CATSPERB: variants seen among roughly 807,000 people sequenced by gnomAD.
CATSPERB encodes the protein catsper channel auxiliary subunit beta.
CATSPERB carries 93 observed loss-of-function variants against 128.3 expected under a neutral mutation model. That is an observed-to-expected ratio of 0.72 (90% CI 0.61 to 0.86). CATSPERB has a LOEUF of 0.86. CATSPERB is among the 40% of genes least tolerant of loss of function. The probability of loss-of-function intolerance (pLI) is 0.00; values close to 1 mark genes in which losing one functional copy is unlikely to be tolerated. For synonymous variants in CATSPERB, 381 were observed against 448.8 expected, an observed-to-expected ratio of 0.85 and a Z score of 1.91; for missense variants, 1,153 against 1,329.5, an observed-to-expected ratio of 0.87 and a Z score of 2.06.
intron 15 of CATSPERB, chr14:91,646,143 T>G (rs1054971726): frequency 1.3e-5 from 2 of 155,116 alleles, no homozygotes; most frequent in East Asian, 3.8e-4. Context: ...GTACCTCAGA[T>G]GGAAATGCAG....
chr14:91,721,291 G>A (rs554910753), intron 4 of CATSPERB, among the ~76,000 whole-genome samples: 3 of 152,204 alleles, frequency 2.0e-5, no homozygotes, highest in African/African-American at 4.8e-5. Context: ...AAAAGACAAC[G>A]CATAGAATGA....
chr14:91,655,598 A>C (rs1894773153), intron 15 of CATSPERB, among the ~76,000 whole-genome samples: 1 of 152,228 alleles, frequency 6.6e-6, no homozygotes, highest in Non-Finnish European at 1.5e-5. Flanking sequence ...CAGAATAAAG[A>C]ATTAGTGAGC....
intron 17 of CATSPERB, among the ~76,000 whole-genome samples, chr14:91,627,553 A>G (rs2139793751): frequency 6.6e-6 from 1 of 152,360 alleles, no homozygotes; most frequent in South Asian, 2.1e-4. Context: ...GACAAGACAA[A>G]GAAAAATGGG....
intron 23 of CATSPERB, among the ~76,000 whole-genome samples, chr14:91,591,544 T>C (rs1893402152): frequency 6.6e-6 from 1 of 151,754 alleles, no homozygotes; most frequent in Admixed American, 6.6e-5. Context: ...CTCAAAGTTA[T>C]TTTAAATGAA....
In CATSPERB at chr14:91,700,681, T is replaced by C. The variant is rs555653831; in HGVS notation, c.616+3871A>G. 4.6e-5 allele frequency among the ~76,000 whole-genome samples: 7 copies of C among 152,250 alleles called. No individual in the cohort carries two copies. The South Asian group carries it at 1.5e-3, about 32-fold the overall frequency. On this transcript the variant is annotated intron_variant, in intron 7 of 26. Transcript: ENST00000256343. ...TGAAATCATGTCCTTTCCAGCAACATAGATGCAGCTGGAGGCCATTATCCT... is the reference window on the plus strand; with the variant it reads ...TGAAATCATGTCCTTTCCAGCAACACAGATGCAGCTGGAGGCCATTATCCT...
rs117569206 is a variant in CATSPERB at position 91,597,666 on chromosome 14, C to T, written c.2710-5664G>A. Among the ~76,000 whole-genome samples, 102 of 152,192 alleles carry T rather than the reference C, an allele frequency of 6.7e-4. 2 individuals carry two copies. In the East Asian group the frequency reaches 0.014, roughly 20 times the overall value. On this transcript the variant is annotated intron_variant, in intron 22 of 26. Transcript: ENST00000256343. ...CAATCTCATGTGCCCACCTCTTCTG[C>T]GATAGTCCCCGGGCCTTGAGGAGTT...
intron 17 of CATSPERB, among the ~76,000 whole-genome samples, chr14:91,630,915 G>A (rs1212760667): frequency 6.6e-6 from 1 of 151,860 alleles, no homozygotes; most frequent in South Asian, 2.1e-4. Context: ...GCCTTTCCAC[G>A]ACACCATCAC....
chr14:91,616,409 G>T (rs1405613098), intron 20 of CATSPERB, among the ~76,000 whole-genome samples: 1 of 151,818 alleles, frequency 6.6e-6, no homozygotes, highest in Non-Finnish European at 1.5e-5. Context: ...ATTTTTTGTG[G>T]TTCTCATTTA....
chr14:91,702,592 T>C (rs947560126), intron 7 of CATSPERB, among the ~76,000 whole-genome samples: 1 of 151,618 alleles, frequency 6.6e-6, no homozygotes, highest in Non-Finnish European at 1.5e-5. Context: ...AAATTATGTT[T>C]GTTATTCATG....
rs775610761 is a variant in CATSPERB, at chr14:91,708,244, A to G, written c.371-8T>C. The stretch of plus-strand genomic sequence containing the variant: ...CTTCTACAGCTGCAATATCTGTTTG[A>G]AAACAAAAGGCAAATAATCAACTAT... On this transcript the variant is annotated splice_region_variant and splice_polypyrimidine_tract_variant and intron_variant, in intron 5 of 26. Coordinates refer to ENST00000256343, the MANE Select transcript of CATSPERB (RefSeq NM_024764.4). The G allele has an allele frequency of 1.9e-6, 3 of 1,547,374 alleles. No homozygotes were observed. The African/African-American group carries it at 4.1e-5, about 21-fold the overall frequency.
chr14:91,691,863 G>A (rs980011923), intron 9 of CATSPERB, among the ~76,000 whole-genome samples: 7 of 152,054 alleles, frequency 4.6e-5, no homozygotes, highest in Admixed American at 3.3e-4. Flanking sequence ...GCCTTTTAAT[G>A]ATTTAAATGG....
intron 15 of CATSPERB, among the ~76,000 whole-genome samples, chr14:91,641,092 T>C (rs1389236192): frequency 7.4e-6 from 1 of 134,256 alleles, no homozygotes; most frequent in Non-Finnish European, 1.6e-5. Context: ...TGTTTGTTTT[T>C]TTCTTGTAAA....
chr14:91,713,733 C>A (rs1425950476), intron 5 of CATSPERB, among the ~76,000 whole-genome samples: 1 of 152,120 alleles, frequency 6.6e-6, no homozygotes, highest in Non-Finnish European at 1.5e-5. Flanking sequence ...TGGTTAATCT[C>A]ACCAAACATT....
chr14:91,693,000 G>A, intron 9 of CATSPERB, 126 bp downstream of exon 9: 2 of 705,722 alleles, frequency 2.8e-6, no homozygotes, highest in Non-Finnish European at 4.8e-6. Flanking sequence ...ATGCCTTTAT[G>A]TTTTTCGAAA....
chr14:91,595,369 G>A (rs572170516), intron 22 of CATSPERB, among the ~76,000 whole-genome samples: 178 of 151,440 alleles, frequency 1.2e-3, no homozygotes, highest in Non-Finnish European at 2.1e-3. Flanking sequence ...GGGTTTTACC[G>A]TGTTAGCCAG....
At chr14:91,717,370 T>C (rs1053849369) in intron 5 of CATSPERB, among the ~76,000 whole-genome samples, 3 of 152,122 alleles carry the variant, frequency 2.0e-5, no homozygotes, top group Non-Finnish European at 4.4e-5. Flanking sequence ...TACCTTATTT[T>C]AAAATGAAAA....
At position 91,693,403 on chromosome 14, in the gene CATSPERB, GATAGTCTGTGTCATGTT is replaced by G; in HGVS notation, c.676_692del (p.Asn226LeufsTer9). 1 of 1,613,854 alleles carries G rather than the reference GATAGTCTGTGTCATGTT, an allele frequency of 6.2e-7. No individual in the cohort carries two copies. Among genetic ancestry groups the G allele is most frequent in the Non-Finnish European group, 8.5e-7 (1 of 1,179,800 alleles). ...AGTTACCTTCTTGAAGTTGGGAATA[GATAGTCTGTGTCATGTT>G]AAACCATGTGGTATCATAATCATGC... On this transcript the variant is annotated frameshift_variant, in exon 8 of 27. Transcript: ENST00000256343. LOFTEE classifies it high-confidence loss of function.
At chr14:91,589,138 C>T (rs1041084627) in intron 24 of CATSPERB, among the ~76,000 whole-genome samples, 2 of 152,152 alleles carry the variant, frequency 1.3e-5, no homozygotes, top group African/African-American at 2.4e-5. Context: ...TTAAGAAACT[C>T]GTATAATTAG....
At chr14:91,664,259 C>CTTTT (rs750623098) in intron 14 of CATSPERB, among the ~76,000 whole-genome samples, 60 of 115,680 alleles carry the variant, frequency 5.2e-4, no homozygotes, top group South Asian at 8.6e-4. Context: ...TCTTCCATGT[C>CTTTT]TTTTTTTTTT....
Sources: gnomAD v4.1 joint callset for allele counts (sites outside exome capture counted in the v4.1 genomes callset) on GRCh38, gnomAD v4.1.1 for gene constraint, MANE v1.5 for transcripts, NCBI Gene and HGNC (gene_info 2026-07-23, HGNC 2026-07-21) for gene names.